SPSB3: variants seen among roughly 807,000 people sequenced by gnomAD.
The protein encoded by SPSB3 is splA/ryanodine receptor domain and SOCS box containing 3.
A neutral mutation model predicts 29.5 loss-of-function variants in SPSB3; 18 were observed. The observed-to-expected ratio is 0.61, with a 90% CI of 0.42 to 0.91. The LOEUF is 0.91. SPSB3 is among the 40% of genes least tolerant of loss of function. The pLI is 0.00. For missense variants in SPSB3, 540 were observed against 507.5 expected, an observed-to-expected ratio of 1.06 and a Z score of -0.61; for synonymous variants, 299 against 214.1, an observed-to-expected ratio of 1.40 and a Z score of -3.46.
rs772485876 is a variant in SPSB3, at chr16:1,778,541, G to T, written c.198C>A (p.Thr66=). The change falls in exon 3 of 7, where the codon ACC becomes ACA. Residue 66 remains threonine, a synonymous_variant. Coordinates refer to ENST00000566339, the MANE Select transcript of SPSB3 (RefSeq NM_080861.4). ...PPSIPSAVPV[T]GESFCDCAGQ... is the part of the protein sequence containing the mutation. Reference sequence around the variant, plus strand: ...CAGCACAGTCACAGAAGGACTCGCCGGTCACGGGCACCGCACTGGGGATGG... The same window carrying T: ...CAGCACAGTCACAGAAGGACTCGCCTGTCACGGGCACCGCACTGGGGATGG... 1 of 1,608,598 alleles carries T rather than the reference G, an allele frequency of 6.2e-7. No individual in the cohort carries two copies. The highest frequency in any genetic ancestry group is 1.7e-5 in the Admixed American group (1 of 59,918).
chr16:1,780,262 C>T (rs1198168699), intron 2 of SPSB3: 1 of 152,400 alleles, frequency 6.6e-6, no homozygotes, highest in Non-Finnish European at 1.5e-5. Context: ...GGCACATGAC[C>T]TGTGGTAGCT....
chr16:1,781,221 C>G, intron 2 of SPSB3, 137 bp downstream of exon 2: 1 of 1,580,642 alleles, frequency 6.3e-7, no homozygotes, highest in Non-Finnish European at 8.5e-7. Context: ...GAGACAGGCC[C>G]AGGTTTGGAC....
In SPSB3 at chr16:1,781,511, G is replaced by T; in HGVS notation, c.-12-16C>A. On this transcript the variant is annotated splice_polypyrimidine_tract_variant and intron_variant, in intron 1 of 6. Transcript: ENST00000566339. ...TGGAAAGAATCTAGAAGAAAACACA[G>T]GCTCTGGGCAAAGGAAGACTCACAG... The T allele has an allele frequency of 6.2e-7, 1 of 1,608,070 alleles. No homozygotes were observed. Among genetic ancestry groups the T allele is most frequent in the Non-Finnish European group, 8.5e-7 (1 of 1,177,532 alleles).
chr16:1,777,919 C>T (rs780588993), intron 5 of SPSB3, 27 bp downstream of exon 5: 3 of 1,611,804 alleles, frequency 1.9e-6, no homozygotes, highest in South Asian at 2.2e-5. Context: ...CCAGGCTCGG[C>T]CCCGCCCCAC....
chr16:1,780,659 A>C (rs551097746), intron 2 of SPSB3: 35 of 160,554 alleles, frequency 2.2e-4, no homozygotes, highest in Non-Finnish European at 4.3e-4. Context: ...CTGGCAGAAG[A>C]AGCGTCTGGT....
Position 1,778,007 on chromosome 16 carries a change from G to A in SPSB3, c.534C>T (p.Tyr178=), listed in dbSNP as rs1368593418. Reference sequence around the variant, plus strand: ...CCAGCAGGCTGCAGAACGTGTGGCGGTATTTGTCCAGGTCCACATCCGACG... The same window carrying A: ...CCAGCAGGCTGCAGAACGTGTGGCGATATTTGTCCAGGTCCACATCCGACG... The part of the protein sequence containing the change: ...IGTSDVDLDK[Y]RHTFCSLLGR... Residue 178 remains tyrosine (Y), a synonymous_variant, in exon 5 of 7, where the codon TAC becomes TAT. Transcript: ENST00000566339. 2 of 1,613,148 alleles carry A rather than the reference G, an allele frequency of 1.2e-6. No individual in the cohort carries two copies. The highest frequency in any genetic ancestry group is 1.7e-6 in the Non-Finnish European group (2 of 1,180,006).
Position 1,776,995 on chromosome 16 carries a change from C to G in SPSB3, c.*102G>C, listed in dbSNP as rs2042723228. The G allele has an allele frequency of 1.4e-6, 2 of 1,391,288 alleles. No homozygotes were observed. Among genetic ancestry groups the G allele is most frequent in the Non-Finnish European group, 2.0e-6 (2 of 1,024,278 alleles). 86.2% of individuals were successfully genotyped at this position (1,391,288 alleles called of 1,614,324 possible). A position where few individuals can be genotyped will look rare whatever the true frequency, so the allele number is the denominator to read the frequency against. Reference sequence around the variant, plus strand: ...TGGCTCCCTCCGGACGGGCCTCATCCAACTCCGCCCTGGAGTGTGGCTGGA... The same window carrying G: ...TGGCTCCCTCCGGACGGGCCTCATCGAACTCCGCCCTGGAGTGTGGCTGGA... On this transcript the variant is annotated 3_prime_UTR_variant, in exon 7 of 7. Coordinates refer to ENST00000566339, the MANE Select transcript of SPSB3 (RefSeq NM_080861.4).
At position 1,778,230 on chromosome 16, in the gene SPSB3, G is replaced by A. The variant is rs897537779; in HGVS notation, c.396C>T (p.Ser132=). Reference sequence around the variant, plus strand: ...TGCCCCGGATGGCCGCTGTGCCGCAGCTGTACTCCATGTGGAAGCTGACCT... The same window carrying A: ...TGCCCCGGATGGCCGCTGTGCCGCAACTGTACTCCATGTGGAAGCTGACCT... The part of the protein sequence containing the change: ...NRKVSFHMEY[S]CGTAAIRGTK... The change falls in exon 4 of 7, where the codon AGC becomes AGT. Residue 132 remains serine (S), a synonymous_variant. Coordinates refer to ENST00000566339, the MANE Select transcript of SPSB3 (RefSeq NM_080861.4). 5 of 1,613,008 alleles carry A rather than the reference G, an allele frequency of 3.1e-6. No individual in the cohort carries two copies. Among genetic ancestry groups the A allele is most frequent in the Non-Finnish European group, 4.2e-6 (5 of 1,179,990 alleles).
In SPSB3 at chr16:1,777,185, GGAGC is replaced by G. The variant is rs752926825; in HGVS notation, c.976_979del (p.Ala326GlnfsTer31). On this transcript the variant is annotated frameshift_variant, in exon 7 of 7. Coordinates refer to ENST00000566339, the MANE Select transcript of SPSB3 (RefSeq NM_080861.4). LOFTEE classifies it low-confidence loss of function (END_TRUNC). ...GGTCGCTGCCTGGGGATCGGACACTGGAGCCTTGCGGCGGCTGCAACTCATGCTC... is the reference window on the plus strand; with the variant it reads ...GGTCGCTGCCTGGGGATCGGACACTGCTTGCGGCGGCTGCAACTCATGCTC... 6.2e-7 allele frequency: 1 copy of G among 1,610,704 alleles called. No homozygotes were observed. The highest frequency in any genetic ancestry group is 8.5e-7 in the Non-Finnish European group (1 of 1,179,856).
chr16:1,781,641 C>A, intron 1 of SPSB3, 146 bp from the exon 2 acceptor site: 1 of 782,854 alleles, frequency 1.3e-6, no homozygotes, highest in South Asian at 1.8e-5. Flanking sequence ...CTTCAGGAGC[C>A]CGTACCTCAC....
chr16:1,781,117 T>C, intron 2 of SPSB3: 1 of 1,444,322 alleles, frequency 6.9e-7, no homozygotes, highest in Non-Finnish European at 9.2e-7. Flanking sequence ...GAAAGCACAG[T>C]GAAGAATGCA....
rs766916263 is a variant in SPSB3, at chr16:1,777,352, A to C, written c.813T>G (p.Cys271Trp). 7.5e-6 allele frequency: 12 copies of C among 1,607,010 alleles called. No homozygotes were observed. In the Admixed American group the frequency reaches 2.0e-4, roughly 27 times the overall value. Reference protein sequence around the residue: ...ARSSMKVTRSCASATSLQYLC... With the variant: ...ARSSMKVTRSWASATSLQYLC... ...GGTACTGGAGGGAAGTGGCGCTGGC[A>C]CAGGAGCGGGTGACCTTCATGCTGC... Residue 271 changes from cysteine (C) to tryptophan (W), a missense_variant, in exon 7 of 7, where the codon TGT becomes TGG. Cys to Trp is a radical substitution (Grantham distance 215). Coordinates refer to ENST00000566339, the MANE Select transcript of SPSB3 (RefSeq NM_080861.4).
rs2042737013 is a variant in SPSB3, at chr16:1,777,848, T to C, written c.620A>G (p.Lys207Arg). ...GCCGAACCGCGATGAGAAGCTGGTC[T>C]TGTCGCCCTTGTGGTGGAGGAGGCC... The part of the protein sequence containing the change: ...YTGLLHHKGD[K>R]TSFSSRFGQG... The change falls in exon 6 of 7, where the codon AAG (lysine) becomes AGG (arginine). Residue 207 changes from lysine (K) to arginine (R), a missense_variant. Lys to Arg is a conservative substitution (Grantham distance 26, BLOSUM62 2). Transcript: ENST00000566339. The C allele has an allele frequency of 8.7e-6, 14 of 1,612,732 alleles. No homozygotes were observed. In the East Asian group the frequency reaches 3.1e-4, roughly 36 times the overall value.
chr16:1,778,509 C>G lies in SPSB3; in HGVS notation c.230G>C (p.Ser77Thr). 1.2e-6 allele frequency: 2 copies of G among 1,612,190 alleles called. No individual in the cohort carries two copies. The highest frequency in any genetic ancestry group is 1.7e-6 in the Non-Finnish European group (2 of 1,179,680). The change falls in exon 3 of 7, where the codon AGC becomes ACC. Residue 77 changes from serine to threonine, a missense_variant. Physicochemically the swap from Ser to Thr is moderately conservative, Grantham distance 58 (BLOSUM62 1). Coordinates refer to ENST00000566339, the MANE Select transcript of SPSB3 (RefSeq NM_080861.4). Reference sequence around the variant, plus strand: ...CAGGCTGCTACAGAAGGAGGCCTCGCTCTGCCCAGCACAGTCACAGAAGGA... The same window carrying G: ...CAGGCTGCTACAGAAGGAGGCCTCGGTCTGCCCAGCACAGTCACAGAAGGA... ...GESFCDCAGQ[S>T]EASFCSSLHS... is the part of the protein sequence containing the mutation.
rs758340257 is a variant in SPSB3 at position 1,778,330 on chromosome 16, G to A, written c.305-9C>T. 2 of 1,611,968 alleles carry A rather than the reference G, an allele frequency of 1.2e-6. No individual in the cohort carries two copies. The highest frequency in any genetic ancestry group is 1.1e-5 in the South Asian group (1 of 91,062). On this transcript the variant is annotated splice_polypyrimidine_tract_variant and intron_variant, in intron 3 of 6. Transcript: ENST00000566339. ...CCAGACCCAGTCGAAATCTGCAAGA[G>A]AGGCCCAGGCTGGGGCAGCCCTGAG...
At position 1,778,131 on chromosome 16, in the gene SPSB3, T is replaced by TA. The variant is rs1414872251; in HGVS notation, c.492+2dup. 13 of 1,612,750 alleles carry TA rather than the reference T, an allele frequency of 8.1e-6. No homozygotes were observed. Among genetic ancestry groups the TA allele is most frequent in the Non-Finnish European group, 1.1e-5 (13 of 1,179,710 alleles). ...AGAAGCACCCTGGGCCGAAGCAACTTACCATGTCGGTGCCGTAGACGGGAG... is the reference window on the plus strand; with the variant it reads ...AGAAGCACCCTGGGCCGAAGCAACTTAACCATGTCGGTGCCGTAGACGGGAG... On this transcript the variant is annotated splice_region_variant and intron_variant, in intron 4 of 6. Transcript: ENST00000566339.
At chr16:1,780,806 C>T in intron 2 of SPSB3, 1 of 255,520 alleles carries the variant, frequency 3.9e-6, no homozygotes, top group Non-Finnish European at 7.8e-6. Context: ...GATCACGGCT[C>T]ACTGCAGCCT....
In SPSB3 at chr16:1,778,269, G is replaced by A. The variant is rs1182396095; in HGVS notation, c.357C>T (p.Ser119=). Residue 119 remains serine (S), a synonymous_variant, in exon 4 of 7, where the codon AGC becomes AGT. Coordinates refer to ENST00000566339, the MANE Select transcript of SPSB3 (RefSeq NM_080861.4). ...GGAAGCTGACCTTACGGTTGTCACAGCTCAGCAGGGTGGCTGATGACTTAT... is the reference window on the plus strand; with the variant it reads ...GGAAGCTGACCTTACGGTTGTCACAACTCAGCAGGGTGGCTGATGACTTAT... The part of the protein sequence containing the change: ...DLNKSSATLL[S]CDNRKVSFHM... The A allele has an allele frequency of 2.5e-6, 4 of 1,612,758 alleles. No individual in the cohort carries two copies. In the Admixed American group the frequency reaches 6.7e-5, roughly 27 times the overall value.
In SPSB3 at chr16:1,777,462, G is replaced by T. The variant is rs762913438; in HGVS notation, c.722-19C>A. 1.4e-6 allele frequency: 2 copies of T among 1,479,232 alleles called. No individual in the cohort carries two copies. The highest frequency in any genetic ancestry group is 4.4e-5 in the Admixed American group (2 of 45,194). The allele number at this position is 1,479,232 out of a possible 1,614,324, so 91.6% of individuals were successfully genotyped here. A position where few individuals can be genotyped will look rare whatever the true frequency, so the allele number is the denominator to read the frequency against. ...GCCACACCTGGAAGGGAGGGGCCCA[G>T]CCTGAACCCCAGGCAGGGAAGGGGC... On this transcript the variant is annotated intron_variant, in intron 6 of 6. Transcript: ENST00000566339.
Sources: gnomAD v4.1 joint callset for allele counts on GRCh38, gnomAD v4.1.1 for gene constraint, MANE v1.5 for transcripts, NCBI Gene and HGNC (gene_info 2026-07-23, HGNC 2026-07-21) for gene names.